The following TAFA2 variants were observed in gnomAD, a reference collection of about 807,000 sequenced individuals.
The protein encoded by TAFA2 is chemokine-like protein TAFA-2.
Under a neutral mutation model 18.8 loss-of-function variants are expected in TAFA2, and 7 were observed. The ratio of observed to expected loss-of-function variants is 0.37; its 90% CI spans 0.21 to 0.70. TAFA2 has a LOEUF of 0.70. Ranked by LOEUF, TAFA2 falls within the 30% of genes least tolerant of loss-of-function variation. The probability of loss-of-function intolerance (pLI) is 0.53; values close to 1 mark genes in which losing one functional copy is unlikely to be tolerated. For missense variants in TAFA2, 122 were observed against 158.1 expected (o/e 0.77, Z 1.23); for synonymous variants, 60 against 54.2 (o/e 1.11, Z -0.47).
intron 1 of TAFA2, among the ~76,000 whole-genome samples, chr12:61,978,911 A>ATGGAG (rs1475484595): frequency 1.3e-5 from 2 of 152,090 alleles, no homozygotes; most frequent in East Asian, 3.9e-4. Flanking sequence ...GTAGGCATAC[A>ATGGAG]TGGAGTGATC....
At chr12:61,926,367 C>G (rs1468637384) in intron 1 of TAFA2, among the ~76,000 whole-genome samples, 2 of 152,114 alleles carry the variant, frequency 1.3e-5, no homozygotes, top group East Asian at 3.9e-4. Flanking sequence ...ATCCTGATAC[C>G]AAAACCTGGC....
chr12:61,858,715 T>G (rs1377061939), intron 2 of TAFA2, among the ~76,000 whole-genome samples: 1 of 151,976 alleles, frequency 6.6e-6, no homozygotes, highest in Non-Finnish European at 1.5e-5. Context: ...TAAAATTGAC[T>G]AAGTGTTTAT....
At chr12:61,799,089 A>G (rs1330721568) in intron 2 of TAFA2, among the ~76,000 whole-genome samples, 1 of 152,232 alleles carries the variant, frequency 6.6e-6, no homozygotes, top group Non-Finnish European at 1.5e-5. Flanking sequence ...AAATATGCAT[A>G]TATGCTTTAT....
rs541487123 is a variant in TAFA2, at chr12:61,948,350, G to A, written c.-1-80924C>T. ...CCCTAACATTTGAGATCTGAAGTAAGCATGACCTTAATGCAAAGGGATTCT... is the reference window on the plus strand; with the variant it reads ...CCCTAACATTTGAGATCTGAAGTAAACATGACCTTAATGCAAAGGGATTCT... On this transcript the variant is annotated intron_variant, in intron 1 of 4. Transcript: ENST00000416284. Among the ~76,000 whole-genome samples the A allele has an allele frequency of 2.4e-3, 359 of 152,218 alleles. 1 individual carries two copies. The highest frequency in any genetic ancestry group is 4.4e-3 in the Non-Finnish European group (301 of 68,000).
At chr12:61,928,815 C>T (rs188383430) in intron 1 of TAFA2, among the ~76,000 whole-genome samples, 254 of 152,146 alleles carry the variant, frequency 1.7e-3, no homozygotes, top group Non-Finnish European at 1.2e-3. Flanking sequence ...CACATATACA[C>T]CATAGAATGC....
intron 4 of TAFA2, among the ~76,000 whole-genome samples, chr12:61,747,812 A>G (rs10784260): frequency 0.35 from 52,100 of 150,912 alleles, 9,333 homozygotes; most frequent in Non-Finnish European, 0.39. Flanking sequence ...ACGTGTATAC[A>G]TATGTAACTA....
chr12:62,254,737 A>G (rs1283604823), intron 1 of TAFA2, among the ~76,000 whole-genome samples: 1 of 152,232 alleles, frequency 6.6e-6, no homozygotes, highest in African/African-American at 2.4e-5. Flanking sequence ...CCTGTTGCTT[A>G]GCAAAACCTG....
chr12:61,866,826 C>T lies in TAFA2; in HGVS notation c.106+494G>A, dbSNP rs901573288. Among the ~76,000 whole-genome samples, 12 of 152,262 alleles carry T rather than the reference C, an allele frequency of 7.9e-5. No homozygotes were observed. In the South Asian group the frequency reaches 2.5e-3, roughly 32 times the overall value. ...ATTGAGATACATATCATTACAGACA[C>T]TTTCTTTACCAGGATAAGTGCAATC... is the stretch of plus-strand genomic sequence containing the variant. On this transcript the variant is annotated intron_variant, in intron 2 of 4. Coordinates refer to ENST00000416284, the MANE Select transcript of TAFA2 (RefSeq NM_178539.5).
intron 2 of TAFA2, among the ~76,000 whole-genome samples, chr12:61,858,935 A>G (rs1419979945): frequency 6.6e-6 from 1 of 152,250 alleles, no homozygotes; most frequent in East Asian, 1.9e-4. Context: ...GCTATATCAC[A>G]ATATGGATGA....
chr12:61,994,047 G>C (rs1048504163), intron 1 of TAFA2, among the ~76,000 whole-genome samples: 1 of 152,068 alleles, frequency 6.6e-6, no homozygotes, highest in African/African-American at 2.4e-5. Flanking sequence ...TAACACTCTT[G>C]CTTGCTTTTA....
intron 1 of TAFA2, among the ~76,000 whole-genome samples, chr12:61,930,634 T>G (rs762020187): frequency 4.6e-5 from 7 of 152,224 alleles, no homozygotes; most frequent in South Asian, 2.1e-4. Context: ...ACTGCTCCAT[T>G]TAATAGAGCA....
intron 1 of TAFA2, among the ~76,000 whole-genome samples, chr12:62,120,190 T>C (rs1238372843): frequency 6.6e-6 from 1 of 152,112 alleles, no homozygotes; most frequent in Non-Finnish European, 1.5e-5. Context: ...TGCTCCACAA[T>C]ATAATCAGGG....
intron 1 of TAFA2, among the ~76,000 whole-genome samples, chr12:62,147,869 A>G (rs935620787): frequency 6.6e-6 from 1 of 152,124 alleles, no homozygotes; most frequent in Admixed American, 6.5e-5. Context: ...CATCAACAAG[A>G]AAAAAATAAC....
intron 2 of TAFA2, among the ~76,000 whole-genome samples, chr12:61,799,784 T>G (rs1157831480): frequency 6.6e-6 from 1 of 152,074 alleles, no homozygotes; most frequent in Non-Finnish European, 1.5e-5. Context: ...ATTGCGCCAC[T>G]GCACTCCAGC....
intron 1 of TAFA2, among the ~76,000 whole-genome samples, chr12:62,224,159 T>C (rs1409180847): frequency 1.3e-5 from 2 of 151,374 alleles, no homozygotes; most frequent in Non-Finnish European, 1.5e-5. Context: ...AAGGAAATTC[T>C]GACACATGCT....
intron 1 of TAFA2, among the ~76,000 whole-genome samples, chr12:61,922,997 C>A (rs2121370158): frequency 6.6e-6 from 1 of 152,296 alleles, no homozygotes; most frequent in East Asian, 1.9e-4. Context: ...AAACAGGGTG[C>A]AAAACCCACC....
intron 2 of TAFA2, among the ~76,000 whole-genome samples, chr12:61,759,014 C>A (rs537643171): frequency 6.6e-6 from 1 of 152,096 alleles, no homozygotes; most frequent in Admixed American, 6.6e-5. Context: ...CAGCCAGGAG[C>A]ACATGGTGAG....
intron 1 of TAFA2, among the ~76,000 whole-genome samples, chr12:62,128,039 G>C (rs1035107207): frequency 6.6e-6 from 1 of 151,936 alleles, no homozygotes; most frequent in African/African-American, 2.4e-5. Flanking sequence ...AAAATGGGTA[G>C]GGAATAAGAA....
intron 2 of TAFA2, among the ~76,000 whole-genome samples, chr12:61,760,981 T>C (rs939932117): frequency 1.3e-5 from 2 of 151,986 alleles, no homozygotes; most frequent in African/African-American, 4.8e-5. Flanking sequence ...ATAGATTTCA[T>C]TAAATTCTCA....
Sources: gnomAD v4.1 joint callset for allele counts (sites outside exome capture counted in the v4.1 genomes callset) on GRCh38, gnomAD v4.1.1 for gene constraint, MANE v1.5 for transcripts, NCBI Gene and HGNC (gene_info 2026-07-23, HGNC 2026-07-21) for gene names.